Variants in ITFG1 observed in about 807,000 individuals in gnomAD.
ITFG1 encodes the protein integrin alpha FG-GAP repeat containing 1.
In ITFG1, 34 loss-of-function variants were observed where a neutral mutation model predicts 81.8. That is an observed-to-expected ratio of 0.42 (90% CI 0.32 to 0.55). ITFG1 has a LOEUF of 0.55. Ranked by LOEUF, ITFG1 falls within the 20% of genes least tolerant of loss-of-function variation. The pLI is 0.17. For synonymous variants in ITFG1, 285 were observed against 270.6 expected (o/e 1.05, Z -0.52); for missense variants, 672 against 755.4 (o/e 0.89, Z 1.29).
intron 5 of ITFG1, among the ~76,000 whole-genome samples, chr16:47,439,019 C>T (rs980222196): frequency 3.9e-5 from 6 of 152,072 alleles, no homozygotes; most frequent in African/African-American, 1.4e-4. Context: ...AACCACGGCA[C>T]GAGAACTACG....
intron 14 of ITFG1, chr16:47,196,540 C>T (rs1016328365): frequency 3.3e-5 from 5 of 152,186 alleles, no homozygotes; most frequent in Admixed American, 1.3e-4. Flanking sequence ...GAACTGAGCC[C>T]TCCTGGGCCA....
intron 10 of ITFG1, among the ~76,000 whole-genome samples, chr16:47,281,839 T>C (rs1966454632): frequency 6.6e-6 from 1 of 152,074 alleles, no homozygotes; most frequent in Non-Finnish European, 1.5e-5. Context: ...TTGATTTGCC[T>C]TTGTTATTTT....
At chr16:47,263,750 T>C (rs1411301435) in intron 10 of ITFG1, among the ~76,000 whole-genome samples, 1 of 152,178 alleles carries the variant, frequency 6.6e-6, no homozygotes, top group Non-Finnish European at 1.5e-5. Flanking sequence ...AATGAATAAA[T>C]AAATACATAC....
rs563166003 is a variant in ITFG1 at position 47,178,741 on chromosome 16, T to C, written c.1454-16077A>G. Reference sequence around the variant, plus strand: ...ATTGACAAATGGGATCTAATTAAACTAAAGAGCTTCTTCACAGCAAAAGAA... The same window carrying C: ...ATTGACAAATGGGATCTAATTAAACCAAAGAGCTTCTTCACAGCAAAAGAA... On this transcript the variant is annotated intron_variant, in intron 14 of 17. Coordinates refer to ENST00000320640, the MANE Select transcript of ITFG1 (RefSeq NM_030790.5). Among the ~76,000 whole-genome samples the C allele has an allele frequency of 3.3e-5, 5 of 152,190 alleles. No homozygotes were observed. In the East Asian group the frequency reaches 7.7e-4, roughly 23 times the overall value.
chr16:47,438,609 C>T (rs1376593495), intron 5 of ITFG1, among the ~76,000 whole-genome samples: 1 of 152,182 alleles, frequency 6.6e-6, no homozygotes, highest in Non-Finnish European at 1.5e-5. Context: ...TTCCAACAGA[C>T]CTGCAGATGA....
intron 8 of ITFG1, among the ~76,000 whole-genome samples, chr16:47,326,312 T>C (rs1046889342): frequency 2.0e-5 from 3 of 152,184 alleles, no homozygotes; most frequent in Non-Finnish European, 4.4e-5. Flanking sequence ...TAGGTATTGA[T>C]GGGACGTATC....
intron 10 of ITFG1, among the ~76,000 whole-genome samples, chr16:47,267,252 A>C (rs1250315742): frequency 1.3e-5 from 2 of 152,216 alleles, no homozygotes; most frequent in African/African-American, 4.8e-5. Flanking sequence ...AAGGCAAATA[A>C]AAAGAAAGCT....
intron 8 of ITFG1, among the ~76,000 whole-genome samples, chr16:47,348,383 A>C (rs997002206): frequency 3.9e-5 from 6 of 152,270 alleles, no homozygotes; most frequent in African/African-American, 1.4e-4. Context: ...GATGGAGCTG[A>C]AAACCATGCA....
intron 10 of ITFG1, among the ~76,000 whole-genome samples, chr16:47,310,321 G>A (rs1035339522): frequency 2.0e-5 from 3 of 152,126 alleles, no homozygotes; most frequent in Non-Finnish European, 4.4e-5. Context: ...TGTATCATGA[G>A]CCTGGTTCTG....
intron 10 of ITFG1, among the ~76,000 whole-genome samples, chr16:47,307,851 G>A (rs1046676203): frequency 6.6e-6 from 1 of 152,096 alleles, no homozygotes; most frequent in Non-Finnish European, 1.5e-5. Flanking sequence ...TTATGTCCAT[G>A]AGTATGCACT....
At chr16:47,333,320 T>A (rs1331037917) in intron 8 of ITFG1, among the ~76,000 whole-genome samples, 2 of 152,286 alleles carry the variant, frequency 1.3e-5, no homozygotes, top group African/African-American at 4.8e-5. Context: ...AAAGTGGAAT[T>A]TTAACTCAAG....
At chr16:47,281,050 G>A (rs780317350) in intron 10 of ITFG1, among the ~76,000 whole-genome samples, 1 of 152,134 alleles carries the variant, frequency 6.6e-6, no homozygotes, top group Non-Finnish European at 1.5e-5. Flanking sequence ...AGTCTTACTA[G>A]CACATTATTG....
chr16:47,382,246 G>C (rs1364053712), intron 6 of ITFG1, among the ~76,000 whole-genome samples: 3 of 152,042 alleles, frequency 2.0e-5, no homozygotes, highest in African/African-American at 7.2e-5. Flanking sequence ...TTATATTTTT[G>C]TTTGCAGAAG....
intron 10 of ITFG1, among the ~76,000 whole-genome samples, chr16:47,274,415 A>T (rs550093596): frequency 6.6e-6 from 1 of 152,318 alleles, no homozygotes. Context: ...GAATGTATAT[A>T]AAATCAGCTA....
intron 6 of ITFG1, among the ~76,000 whole-genome samples, chr16:47,407,457 T>C (rs1968742966): frequency 6.6e-6 from 1 of 152,176 alleles, no homozygotes; most frequent in African/African-American, 2.4e-5. Flanking sequence ...GTTCAAGTGA[T>C]TCTCGTGCCT....
At chr16:47,277,027 C>A (rs115688240) in intron 10 of ITFG1, among the ~76,000 whole-genome samples, 1 of 152,144 alleles carries the variant, frequency 6.6e-6, no homozygotes, top group Admixed American at 6.6e-5. Context: ...ATTCTGTGCA[C>A]ATCTGTAACA....
intron 6 of ITFG1, among the ~76,000 whole-genome samples, chr16:47,393,832 A>G (rs1420669): frequency 0.99 from 150,353 of 152,294 alleles, 74,240 homozygotes; most frequent in East Asian, 1. Flanking sequence ...ACATTTGGCT[A>G]TTACATGTTT....
At chr16:47,233,240 C>G (rs1480370292) in intron 13 of ITFG1, among the ~76,000 whole-genome samples, 1 of 152,312 alleles carries the variant, frequency 6.6e-6, no homozygotes, top group Admixed American at 6.5e-5. Context: ...ACTAAGGTCA[C>G]AGGACAAACT....
chr16:47,286,902 C>A (rs981520966), intron 10 of ITFG1, among the ~76,000 whole-genome samples: 1 of 152,210 alleles, frequency 6.6e-6, no homozygotes, highest in African/African-American at 2.4e-5. Context: ...ACTCACTGAA[C>A]ATCTCACATT....
Sources: allele counts gnomAD v4.1 joint callset (sites outside exome capture counted in the v4.1 genomes callset), GRCh38; gene constraint gnomAD v4.1.1; transcripts MANE v1.5; gene names NCBI Gene and HGNC (gene_info 2026-07-23, HGNC 2026-07-21).